The following BTD variants were observed in gnomAD, a reference collection of about 807,000 sequenced individuals.
BTD encodes the protein biocytinase.
A neutral mutation model predicts 17.7 loss-of-function variants in BTD; 13 were observed. That is an observed-to-expected ratio of 0.74 (90% CI 0.48 to 1.17). The LOEUF (loss-of-function observed/expected upper bound fraction) is 1.17, where lower values mean the gene tolerates loss of function less well. BTD is among the 50% of genes most tolerant of loss of function. The pLI is 0.00. For synonymous variants in BTD, 240 were observed against 245.2 expected, an observed-to-expected ratio of 0.98 and a Z score of 0.20; for missense variants, 674 against 650.4, an observed-to-expected ratio of 1.04 and a Z score of -0.39.
chr3:15,601,615 A>C, upstream of BTD: 1 of 1,563,182 alleles, frequency 6.4e-7, no homozygotes, highest in Non-Finnish European at 8.7e-7. Flanking sequence ...GGGAAGGAAG[A>C]GGCGGTCTAA....
At chr3:15,627,342 C>T (rs555380857) in intron 1 of BTD, among the ~76,000 whole-genome samples, 2 of 152,330 alleles carry the variant, frequency 1.3e-5, no homozygotes, top group East Asian at 3.9e-4. Context: ...CCCATCTCAT[C>T]CTTCCGAGTA....
At chr3:15,634,199 A>G (rs951809515) in intron 1 of BTD, among the ~76,000 whole-genome samples, 2 of 152,234 alleles carry the variant, frequency 1.3e-5, no homozygotes, top group African/African-American at 2.4e-5. Flanking sequence ...AGAAATTTGT[A>G]GCCTGGGGAG....
At chr3:15,709,692 A>T in intron 3 of BTD, 1 of 1,584,342 alleles carries the variant, frequency 6.3e-7, no homozygotes, top group Middle Eastern at 1.7e-4. Flanking sequence ...CTTTTTATTA[A>T]AGTCTGCACC....
chr3:15,631,469 A>G (rs148276195), intron 1 of BTD: 2 of 1,535,276 alleles, frequency 1.3e-6, no homozygotes, highest in African/African-American at 1.4e-5. Flanking sequence ...AAACACAGCT[A>G]ATTATTAAGA....
chr3:15,642,046 A>G lies in BTD; in HGVS notation c.388A>G (p.Asn130Asp). The change falls in exon 3 of 4, where the codon AAT (asparagine) becomes GAT (aspartate). Residue 130 changes from asparagine to aspartate, a missense_variant. Asn to Asp is a conservative substitution (Grantham distance 23, BLOSUM62 1). Coordinates refer to ENST00000643237, the MANE Select transcript of BTD (RefSeq NM_001370658.1). Reference protein sequence around the residue: ...WNPCLEPHRFNDTEVLQRLSC... With the variant: ...WNPCLEPHRFDDTEVLQRLSC... ...CCCATGCCTGGAGCCTCACCGCTTC[A>G]ATGACACAGAGGTGATTCCTGCCTT... is the stretch of plus-strand genomic sequence containing the variant. 6.2e-7 allele frequency: 1 copy of G among 1,614,164 alleles called. No individual in the cohort carries two copies. The highest frequency in any genetic ancestry group is 8.5e-7 in the Non-Finnish European group (1 of 1,180,032).
At chr3:15,711,078 T>C in exon 4 of BTD, 1 of 735,224 alleles carries the variant, frequency 1.4e-6, no homozygotes, top group Non-Finnish European at 2.1e-6. Flanking sequence ...CCTGGACTTT[T>C]TTTTCCCAAA....
chr3:15,614,857 A>G (rs751986862), intron 1 of BTD, among the ~76,000 whole-genome samples: 1 of 152,132 alleles, frequency 6.6e-6, no homozygotes, highest in Non-Finnish European at 1.5e-5. Flanking sequence ...TTGGCCTTCC[A>G]AAGTGCTGGG....
chr3:15,685,254 A>G (rs2067977529), intron 3 of BTD: 9 of 1,614,024 alleles, frequency 5.6e-6, no homozygotes, highest in Non-Finnish European at 7.6e-6. Context: ...GAAGTGCCGT[A>G]TATCCATGAT....
intron 3 of BTD, among the ~76,000 whole-genome samples, chr3:15,694,565 AC>A (rs1464106721): frequency 2.6e-5 from 4 of 151,984 alleles, no homozygotes; most frequent in Admixed American, 6.6e-5. Context: ...AAAAACAAAA[AC>A]CCAGCACATT....
At chr3:15,602,212 CAG>C in intron 1 of BTD, 1 of 1,365,762 alleles carries the variant, frequency 7.3e-7, no homozygotes, top group Non-Finnish European at 9.4e-7. Context: ...AAATGACGCT[CAG>C]AGTCAGTAGA....
rs58088117 is a variant in BTD, at chr3:15,703,746, G to C, written c.400-6314G>C. 4.1e-3 allele frequency among the ~76,000 whole-genome samples: 618 copies of C among 152,294 alleles called. 1 individual carries two copies. The highest frequency in any genetic ancestry group is 0.023 in the East Asian group (118 of 5,188). ...TTGCTGAAACAAATATCTAAAATGT[G>C]GAAGAGGTTTTGGAACTGGGTAATG... On this transcript the variant is annotated intron_variant, in intron 3 of 3. Transcript: ENST00000672141.
At chr3:15,706,524 A>T (rs2071440873) in intron 3 of BTD, among the ~76,000 whole-genome samples, 1 of 152,284 alleles carries the variant, frequency 6.6e-6, no homozygotes, top group East Asian at 1.9e-4. Context: ...AGTCTTTGCT[A>T]TTGTGAATAG....
intron 3 of BTD, chr3:15,695,363 T>TATCACAACA (rs2069381008): frequency 1.6e-6 from 1 of 627,782 alleles, no homozygotes; most frequent in Admixed American, 2.9e-5. Flanking sequence ...AACAATTTTA[T>TATCACAACA]ATCACAACAG....
chr3:15,616,186 TATG>T (rs1465426507), intron 1 of BTD, among the ~76,000 whole-genome samples: 1 of 152,242 alleles, frequency 6.6e-6, no homozygotes, highest in Non-Finnish European at 1.5e-5. Context: ...TGCTGAATCA[TATG>T]ATAAGAGTAT....
chr3:15,707,917 T>C, intron 3 of BTD: 1 of 1,612,296 alleles, frequency 6.2e-7, no homozygotes. Context: ...ACTCCTATGG[T>C]ACTTACTTGC....
At chr3:15,712,125 A>C (rs1338739112) in exon 4 of BTD, 7 of 1,560,178 alleles carry the variant, frequency 4.5e-6, no homozygotes, top group Non-Finnish European at 6.1e-6. Flanking sequence ...AAAAGGCTGC[A>C]AAGGTTACAC....
chr3:15,605,517 C>T (rs2064422420), intron 1 of BTD, among the ~76,000 whole-genome samples: 1 of 152,100 alleles, frequency 6.6e-6, no homozygotes, highest in Non-Finnish European at 1.5e-5. Flanking sequence ...TTTCAAGTCT[C>T]AGAGTGTATC....
Position 15,601,809 on chromosome 3 carries a change from C to T in BTD, c.-102C>T. 1.2e-6 allele frequency: 2 copies of T among 1,614,090 alleles called. No individual in the cohort carries two copies. Among genetic ancestry groups the T allele is most frequent in the Non-Finnish European group, 1.7e-6 (2 of 1,180,018 alleles). ...CTCTGAGGCCTCTCGCCATTGTCTC[C>T]GAGTCGGCCAGCTGGAGCGTTTTCG... is the stretch of plus-strand genomic sequence containing the variant. On this transcript the variant is annotated 5_prime_UTR_variant, in exon 1 of 4. Transcript: ENST00000643237.
downstream of BTD, among the ~76,000 whole-genome samples, chr3:15,654,908 A>G (rs941735194): frequency 2.0e-5 from 3 of 151,976 alleles, no homozygotes; most frequent in Admixed American, 6.6e-5. Context: ...CTAATTTTGT[A>G]TTTTAGTAGA....
Sources: allele counts gnomAD v4.1 joint callset (sites outside exome capture counted in the v4.1 genomes callset), GRCh38; gene constraint gnomAD v4.1.1; transcripts MANE v1.5; gene names NCBI Gene and HGNC (gene_info 2026-07-23, HGNC 2026-07-21).